ATP6V1B1: variants seen among roughly 807,000 people sequenced by gnomAD.
ATP6V1B1 encodes the protein ATPase H+ transporting V1 subunit B1.
In ATP6V1B1, 41 loss-of-function variants were observed where a neutral mutation model predicts 62.1. That is an observed-to-expected ratio of 0.66 (90% CI 0.51 to 0.86). The LOEUF is 0.86. ATP6V1B1 is among the 40% of genes least tolerant of loss of function. ATP6V1B1 has a pLI of 0.00. For missense variants in ATP6V1B1, 651 were observed against 697.5 expected, an observed-to-expected ratio of 0.93 and a Z score of 0.75; for synonymous variants, 253 against 273.4, an observed-to-expected ratio of 0.93 and a Z score of 0.74.
In ATP6V1B1 at chr2:70,963,438, A is replaced by G. The variant is rs1680638936; in HGVS notation, c.1060+126A>G. On this transcript the variant is annotated intron_variant, in intron 10 of 13. Transcript: ENST00000234396. This position sits in a 1 kb window ranked among gnomAD's most constrained non-coding sequence, Gnocchi z 4.3. ...GCGCTTTTCCTCCATCGAGATAGAC[A>G]CTGCCCTTTCCTCCACCATCCATGC... 6.5e-7 allele frequency: 1 copy of G among 1,537,034 alleles called. No homozygotes were observed. The highest frequency in any genetic ancestry group is 1.4e-5 in the African/African-American group (1 of 73,084).
chr2:70,940,324 CCCCAT>C, intron 1 of ATP6V1B1: 2 of 943,650 alleles, frequency 2.1e-6, no homozygotes, highest in Non-Finnish European at 2.5e-6. Flanking sequence ...GGTCCTTGGG[CCCCAT>C]CCCCTCCCAC....
At position 70,965,295 on chromosome 2, in the gene ATP6V1B1, C is replaced by G; in HGVS notation, c.*174C>G. ...CTTTCCCTCGCTCGATTCCTTTTCCCGCGCTCCATGCCTCCCCCTCGACTC... is the reference window on the plus strand; with the variant it reads ...CTTTCCCTCGCTCGATTCCTTTTCCGGCGCTCCATGCCTCCCCCTCGACTC... On this transcript the variant is annotated 3_prime_UTR_variant, in exon 14 of 14. Transcript: ENST00000234396. The G allele has an allele frequency of 1.1e-6, 1 of 927,508 alleles. No individual in the cohort carries two copies. Among genetic ancestry groups the G allele is most frequent in the Non-Finnish European group, 1.6e-6 (1 of 624,884 alleles). 57.5% of individuals were successfully genotyped at this position (927,508 alleles called of 1,614,324 possible).
At position 70,938,493 on chromosome 2, in the gene ATP6V1B1, G is replaced by A. The variant is rs373926638; in HGVS notation, c.118+2421G>A. 226 of 963,464 alleles carry A rather than the reference G, an allele frequency of 2.3e-4. 4 individuals carry two copies. The East Asian group carries it at 0.018, about 78-fold the overall frequency. The allele number at this position is 963,464 out of a possible 1,614,324, so 59.7% of individuals were successfully genotyped here. On this transcript the variant is annotated intron_variant, in intron 1 of 13. Transcript: ENST00000234396. ...GAGGCCCCAGTGCTCGCTGGGCCACGGTGGAGGTGAGTCCAGGTGACTTAG... is the reference window on the plus strand; with the variant it reads ...GAGGCCCCAGTGCTCGCTGGGCCACAGTGGAGGTGAGTCCAGGTGACTTAG...
intron 6 of ATP6V1B1, 110 bp from the exon 7 acceptor site, chr2:70,960,811 C>A: frequency 1.6e-6 from 1 of 613,446 alleles, no homozygotes; most frequent in Non-Finnish European, 2.7e-6. Context: ...AGCCCCCTCA[C>A]CTCTCTGGGC....
chr2:70,963,741 G>A lies in ATP6V1B1; in HGVS notation c.1143+87G>A. 1 of 1,474,694 alleles carries A rather than the reference G, an allele frequency of 6.8e-7. No homozygotes were observed. Among genetic ancestry groups the A allele is most frequent in the Non-Finnish European group, 9.4e-7 (1 of 1,062,112 alleles). The allele number at this position is 1,474,694 out of a possible 1,614,324, so 91.4% of individuals were successfully genotyped here. A position where few individuals can be genotyped will look rare whatever the true frequency, so the allele number is the denominator to read the frequency against. On this transcript the variant is annotated intron_variant, in intron 11 of 13. Coordinates refer to ENST00000234396, the MANE Select transcript of ATP6V1B1 (RefSeq NM_001692.4). This position sits in a 1 kb window ranked among gnomAD's most constrained non-coding sequence, Gnocchi z 4.3. ...TTTCACTGCCCCCAGGCATGAATTA[G>A]GAGGGGCCAGCCAAAGCGAACCCCA...
intron 1 of ATP6V1B1, among the ~76,000 whole-genome samples, chr2:70,939,097 G>C (rs1178896717): frequency 6.6e-6 from 1 of 152,248 alleles, no homozygotes; most frequent in Admixed American, 6.5e-5. Context: ...CCCCCATCCC[G>C]GCCTCACGCA....
chr2:70,961,644 G>A lies in ATP6V1B1; in HGVS notation c.736G>A (p.Gly246Arg). The change falls in exon 8 of 14, where the codon GGA becomes AGA. Residue 246 changes from glycine (G) to arginine (R), a missense_variant. Transcript: ENST00000234396. ...CTTCAAGTCTGACTTTGAGCAGAAT[G>A]GAACCATGGGGAACGTCTGCCTCTT... ...RFFKSDFEQN[G>R]TMGNVCLFLN... The A allele has an allele frequency of 6.2e-7, 1 of 1,614,224 alleles. No homozygotes were observed. Among genetic ancestry groups the A allele is most frequent in the South Asian group, 1.1e-5 (1 of 91,086 alleles).
At chr2:70,941,186 G>A (rs1679997514) in intron 1 of ATP6V1B1, 1 of 855,636 alleles carries the variant, frequency 1.2e-6, no homozygotes, top group Non-Finnish European at 1.4e-6. Flanking sequence ...CCAGAGTGCT[G>A]GGATTACAGG....
At chr2:70,957,760 C>T (rs1680475996) in intron 2 of ATP6V1B1, 7 of 444,276 alleles carry the variant, frequency 1.6e-5, no homozygotes, top group Middle Eastern at 6.8e-4. Context: ...TTATGACTTA[C>T]GTATTTAATG....
chr2:70,958,153 G>A lies in ATP6V1B1; in HGVS notation c.273+9G>A, dbSNP rs782655814. 3.7e-6 allele frequency: 6 copies of A among 1,613,470 alleles called. No homozygotes were observed. The South Asian group carries it at 4.4e-5, about 12-fold the overall frequency. On this transcript the variant is annotated intron_variant, in intron 3 of 13. Transcript: ENST00000234396. ...CCAAGGCGATTGTTCAGGTGAGTGG[G>A]GTCAATGGGACATTGGCTAGTTAAA...
chr2:70,955,095 A>T (rs895456969), intron 2 of ATP6V1B1, among the ~76,000 whole-genome samples: 3 of 152,112 alleles, frequency 2.0e-5, no homozygotes, highest in Non-Finnish European at 4.4e-5. Context: ...CCCGGGGCAA[A>T]GCTCTACCTG....
At chr2:70,952,918 C>T (rs10469885) in intron 2 of ATP6V1B1, among the ~76,000 whole-genome samples, 13,138 of 152,108 alleles carry the variant, frequency 0.086, 607 homozygotes, top group South Asian at 0.17. Context: ...TAATTTTAAA[C>T]GGAATGCTTT....
intron 1 of ATP6V1B1, among the ~76,000 whole-genome samples, chr2:70,936,971 C>T (rs1217035960): frequency 6.6e-6 from 1 of 152,174 alleles, no homozygotes; most frequent in African/African-American, 2.4e-5. Context: ...CCAAAGGGAA[C>T]CCCTGCATCT....
intron 2 of ATP6V1B1, among the ~76,000 whole-genome samples, chr2:70,954,528 A>G (rs868946962): frequency 6.6e-6 from 1 of 152,216 alleles, no homozygotes; most frequent in South Asian, 2.1e-4. Flanking sequence ...GATTGCCTCT[A>G]ATGACAAGGA....
At chr2:70,940,570 G>C (rs1177269977) in intron 1 of ATP6V1B1, 1 of 985,336 alleles carries the variant, frequency 1.0e-6, no homozygotes, top group Non-Finnish European at 1.2e-6. Context: ...TGGCTGTTTG[G>C]AGTTTTTTTT....
intron 2 of ATP6V1B1, among the ~76,000 whole-genome samples, chr2:70,957,361 A>T (rs949251400): frequency 1.3e-5 from 2 of 151,826 alleles, no homozygotes; most frequent in Non-Finnish European, 2.9e-5. Context: ...CGGCCTCCCA[A>T]ATTGCTGGGA....
intron 2 of ATP6V1B1, chr2:70,944,094 C>T: frequency 7.8e-7 from 1 of 1,285,774 alleles, no homozygotes; most frequent in Non-Finnish European, 1.0e-6. Flanking sequence ...CTAGACTCTC[C>T]CCACCCTCGA....
At position 70,938,735 on chromosome 2, in the gene ATP6V1B1, G is replaced by A. The variant is rs888174255; in HGVS notation, c.118+2663G>A. The A allele has an allele frequency of 1.8e-5, 18 of 985,232 alleles. No homozygotes were observed. In the African/African-American group the frequency reaches 3.0e-4, roughly 16 times the overall value. The allele number at this position is 985,232 out of a possible 1,614,324, so 61.0% of individuals were successfully genotyped here. On this transcript the variant is annotated intron_variant, in intron 1 of 13. Transcript: ENST00000234396. ...TGGTTCCCCAAGGGCCTTGGCTCCC[G>A]GCTGGGGAGGAGGTATCCTGGAGCT...
chr2:70,965,107 G>T lies in ATP6V1B1; in HGVS notation c.1528G>T (p.Asp510Tyr), dbSNP rs782185133. 1 of 1,611,218 alleles carries T rather than the reference G, an allele frequency of 6.2e-7. No homozygotes were observed. The highest frequency in any genetic ancestry group is 2.2e-5 in the East Asian group (1 of 44,878). Residue 510 changes from aspartate to tyrosine, a missense_variant, in exon 14 of 14, where the codon GAC (aspartate) becomes TAC (tyrosine). Coordinates refer to ENST00000234396, the MANE Select transcript of ATP6V1B1 (RefSeq NM_001692.4). ...GGGGGCGCTGCAGGACCTCGCGCCT[G>T]ACACTGCGCTCTAGCCCCGCGCGCC... ...REGALQDLAP[D>Y]TAL
Sources: gnomAD v4.1 joint callset for allele counts (sites outside exome capture counted in the v4.1 genomes callset) on GRCh38, gnomAD v4.1.1 for gene constraint, Gnocchi (gnomAD v3.1) non-coding constraint, MANE v1.5 for transcripts, NCBI Gene and HGNC (gene_info 2026-07-23, HGNC 2026-07-21) for gene names.